The following ZNF507 variants were observed in gnomAD, a reference collection of about 807,000 sequenced individuals.
ZNF507 encodes the protein zinc finger protein 507.
ZNF507 carries 29 observed loss-of-function variants against 80.0 expected under a neutral mutation model. The ratio of observed to expected loss-of-function variants is 0.36; its 90% CI spans 0.27 to 0.49. The LOEUF (loss-of-function observed/expected upper bound fraction) is 0.49. Ranked by LOEUF, ZNF507 falls within the 20% of genes least tolerant of loss-of-function variation. ZNF507 has a pLI of 0.98. For missense variants in ZNF507, 1,081 were observed against 1,152.2 expected (o/e 0.94, Z 0.90); for synonymous variants, 462 against 422.5 (o/e 1.09, Z -1.15).
chr19:32,382,922 C>T lies in ZNF507; in HGVS notation c.2701C>T (p.Pro901Ser). 1 of 1,614,092 alleles carries T rather than the reference C, an allele frequency of 6.2e-7. No individual in the cohort carries two copies. Among genetic ancestry groups the T allele is most frequent in the African/African-American group, 1.3e-5 (1 of 75,036 alleles). The change falls in exon 7 of 7, where the codon CCT (proline) becomes TCT (serine). Residue 901 changes from proline to serine, a missense_variant. By Grantham distance (74) the Pro-to-Ser change is moderately conservative (BLOSUM62 -1). Coordinates refer to ENST00000355898, the MANE Select transcript of ZNF507 (RefSeq NM_001136156.2). Reference protein sequence around the residue: ...YSLEKISSLAPPSMEYCVLLF... With the variant: ...YSLEKISSLASPSMEYCVLLF... ...TTTAGAAAAAATCTCCAGTCTGGCC[C>T]CTCCTAGCATGGAGTACTGCGTTTT...
At position 32,353,554 on chromosome 19, in the gene ZNF507, T is replaced by A. The variant is rs777614180; in HGVS notation, c.724T>A (p.Tyr242Asn). Residue 242 changes from tyrosine to asparagine, a missense_variant, in exon 3 of 7, where the codon TAC becomes AAC. By Grantham distance (143) the Tyr-to-Asn change is moderately radical. Around this residue, in one of 6 missense-constraint regions of ZNF507, gnomAD observed 275 missense variants for 303.9 expected, o/e 0.90. Coordinates refer to ENST00000355898, the MANE Select transcript of ZNF507 (RefSeq NM_001136156.2). ...AEMGRRKWYAYEQYGMYRCLF... is the reference protein window; with the variant it reads ...AEMGRRKWYANEQYGMYRCLF... ...AATGGGTAGGAGGAAATGGTATGCA[T>A]ACGAACAGTACGGCATGTATCGATG... The A allele has an allele frequency of 6.2e-7, 1 of 1,614,210 alleles. No homozygotes were observed. The highest frequency in any genetic ancestry group is 1.1e-5 in the South Asian group (1 of 91,088).
Position 32,383,154 on chromosome 19 carries a change from C to T in ZNF507, c.*71C>T. The T allele has an allele frequency of 6.6e-7, 1 of 1,516,740 alleles. No homozygotes were observed. The highest frequency in any genetic ancestry group is 8.9e-7 in the Non-Finnish European group (1 of 1,129,766). The allele number at this position is 1,516,740 out of a possible 1,614,324, so 94.0% of individuals were successfully genotyped here. On this transcript the variant is annotated 3_prime_UTR_variant, in exon 7 of 7. Coordinates refer to ENST00000355898, the MANE Select transcript of ZNF507 (RefSeq NM_001136156.2). ...CACCACAGTTTCACCTTTACGCTGT[C>T]AGACAACTTCCTGCCACAGAAGAAG...
chr19:32,350,216 T>A (rs1487780607), intron 2 of ZNF507, among the ~76,000 whole-genome samples: 2 of 133,736 alleles, frequency 1.5e-5, no homozygotes, highest in Non-Finnish European at 3.3e-5. Context: ...TTTTTTTTTT[T>A]AACAGAGACT....
At chr19:32,370,122 G>A (rs1043018767) in intron 5 of ZNF507, among the ~76,000 whole-genome samples, 25 of 152,324 alleles carry the variant, frequency 1.6e-4, no homozygotes, top group East Asian at 3.9e-4. Context: ...GCGCACGCGC[G>A]TGCACGTCAC....
intron 5 of ZNF507, among the ~76,000 whole-genome samples, chr19:32,378,240 C>T (rs749740619): frequency 1.3e-5 from 2 of 152,116 alleles, no homozygotes; most frequent in African/African-American, 2.4e-5. Context: ...GTAATCCCAG[C>T]TACTCGGGAG....
chr19:32,382,430 G>T (rs781244014), intron 5 of ZNF507, 37 bp from the exon 6 acceptor site: 6 of 1,608,372 alleles, frequency 3.7e-6, no homozygotes, highest in South Asian at 1.1e-5. Context: ...GATGTTATGG[G>T]ACCGTTCTGA....
chr19:32,352,868 A>G lies in ZNF507; in HGVS notation c.38A>G (p.Asp13Gly). ...ESSSVAMLVPDIGEQEAILTA... is the reference protein window; with the variant it reads ...ESSSVAMLVPGIGEQEAILTA... The stretch of plus-strand genomic sequence containing the variant: ...AGCAGTGTTGCCATGTTGGTGCCAG[A>G]TATTGGGGAACAGGAAGCTATACTG... The change falls in exon 3 of 7, where the codon GAT becomes GGT. Residue 13 changes from aspartate to glycine, a missense_variant. Asp to Gly is a moderately conservative substitution (Grantham distance 94). Transcript: ENST00000355898. The G allele has an allele frequency of 6.3e-7, 1 of 1,597,716 alleles. No individual in the cohort carries two copies. Among genetic ancestry groups the G allele is most frequent in the Non-Finnish European group, 8.5e-7 (1 of 1,175,034 alleles).
Position 32,354,019 on chromosome 19 carries a change from G to A in ZNF507, c.1189G>A (p.Val397Met), listed in dbSNP as rs1189590570. 5 of 1,614,156 alleles carry A rather than the reference G, an allele frequency of 3.1e-6. No individual in the cohort carries two copies. The highest frequency in any genetic ancestry group is 1.1e-5 in the South Asian group (1 of 91,084). The change falls in exon 3 of 7, where the codon GTG (valine) becomes ATG (methionine). Residue 397 changes from valine to methionine, a missense_variant. Coordinates refer to ENST00000355898, the MANE Select transcript of ZNF507 (RefSeq NM_001136156.2). The stretch of plus-strand genomic sequence containing the variant: ...CCCCAATAAAAAAGGGCATGTTAAC[G>A]TGATAGTGGAGCGATTGCCAAGTGC... ...SSPNKKGHVN[V>M]IVERLPSAEE...
At chr19:32,373,567 A>C (rs1026453669) in intron 5 of ZNF507, among the ~76,000 whole-genome samples, 1 of 152,198 alleles carries the variant, frequency 6.6e-6, no homozygotes, top group Non-Finnish European at 1.5e-5. Context: ...CATCATCATG[A>C]AATGTCTCCA....
chr19:32,359,911 G>A (rs1436621499), intron 4 of ZNF507: 1 of 152,126 alleles, frequency 6.6e-6, no homozygotes. Context: ...GTGAGAGTGG[G>A]GGAGAGATCT....
chr19:32,365,858 C>T (rs1445022347), intron 5 of ZNF507, among the ~76,000 whole-genome samples: 1 of 152,166 alleles, frequency 6.6e-6, no homozygotes, highest in African/African-American at 2.4e-5. Flanking sequence ...CCACACACTG[C>T]CCGGGACATA....
chr19:32,377,230 G>A (rs1374285372), intron 5 of ZNF507, among the ~76,000 whole-genome samples: 1 of 143,936 alleles, frequency 6.9e-6, no homozygotes, highest in Non-Finnish European at 1.5e-5. Flanking sequence ...CCTTGACACT[G>A]ACGCTACCGC....
chr19:32,386,482 AT>A lies in ZNF507; in HGVS notation c.*3406del, dbSNP rs1314973033. On this transcript the variant is annotated 3_prime_UTR_variant, in exon 7 of 7. Transcript: ENST00000355898. ...GATATTCATGAACATGAATACATGT[AT>A]TTTTTTAAGAAATAAGTATTGTGTA... 1 of 152,716 alleles carries A rather than the reference AT, an allele frequency of 6.5e-6. No individual in the cohort carries two copies. The allele number at this position is 152,716 out of a possible 1,614,324, so 9.5% of individuals were successfully genotyped here.
chr19:32,380,706 A>G, intron 5 of ZNF507: 1 of 1,291,640 alleles, frequency 7.7e-7, no homozygotes, highest in Non-Finnish European at 1.1e-6. Flanking sequence ...GTTTCCTAAA[A>G]AGATGACAGT....
intron 5 of ZNF507, among the ~76,000 whole-genome samples, chr19:32,373,805 C>T (rs1010410192): frequency 1.3e-5 from 2 of 152,172 alleles, no homozygotes; most frequent in African/African-American, 4.8e-5. Flanking sequence ...TTTTGCTGCA[C>T]TTCGATTTTG....
In ZNF507 at chr19:32,364,446, T is replaced by C. The variant is rs923902849; in HGVS notation, c.2360+3828T>C. ...TGGTGCATCCATCACCCGAGCAGTA[T>C]ACACAGCACCATATTTGTTGTCTTT... On this transcript the variant is annotated intron_variant, in intron 5 of 6. Coordinates refer to ENST00000355898, the MANE Select transcript of ZNF507 (RefSeq NM_001136156.2). Among the ~76,000 whole-genome samples the C allele has an allele frequency of 1.2e-4, 19 of 152,162 alleles. 1 individual carries two copies. Among genetic ancestry groups the C allele is most frequent in the Non-Finnish European group, 2.5e-4 (17 of 68,032 alleles).
intron 2 of ZNF507, among the ~76,000 whole-genome samples, chr19:32,350,999 G>A (rs1558868): frequency 0.39 from 59,569 of 152,058 alleles, 13,582 homozygotes; most frequent in Non-Finnish European, 0.53. Flanking sequence ...TCCCCCATTG[G>A]TCTCCTCTTT....
chr19:32,353,868 A>G lies in ZNF507; in HGVS notation c.1038A>G (p.Val346=), dbSNP rs144626467. ...SPLEQSAERG[V]HLSQSVTLDP... ...TAGAACAGAGTGCAGAAAGAGGAGT[A>G]CACCTAAGTCAGTCAGTTACCCTGG... Residue 346 remains valine, a synonymous_variant, in exon 3 of 7, where the codon GTA becomes GTG. Coordinates refer to ENST00000355898, the MANE Select transcript of ZNF507 (RefSeq NM_001136156.2). The G allele has an allele frequency of 1.4e-5, 23 of 1,614,084 alleles. No homozygotes were observed. The highest frequency in any genetic ancestry group is 5.0e-5 in the Admixed American group (3 of 60,000).
Position 32,354,358 on chromosome 19 carries a change from T to C in ZNF507, c.1528T>C (p.Leu510=), listed in dbSNP as rs1471796547. Residue 510 remains leucine, a synonymous_variant, in exon 3 of 7, where the codon TTG becomes CTG. Coordinates refer to ENST00000355898, the MANE Select transcript of ZNF507 (RefSeq NM_001136156.2). ...CACAATGCCTATAAGAGCTGCAGAGTTGACAAGAGCCAACCTGGGGCACTA... is the reference window on the plus strand; with the variant it reads ...CACAATGCCTATAAGAGCTGCAGAGCTGACAAGAGCCAACCTGGGGCACTA... The part of the protein sequence containing the change: ...LVTMPIRAAE[L]TRANLGHYGD... 1 of 1,613,868 alleles carries C rather than the reference T, an allele frequency of 6.2e-7. No individual in the cohort carries two copies. Among genetic ancestry groups the C allele is most frequent in the African/African-American group, 1.3e-5 (1 of 74,854 alleles).
Sources: allele counts gnomAD v4.1 joint callset (sites outside exome capture counted in the v4.1 genomes callset), GRCh38; gene constraint gnomAD v4.1.1; regional missense constraint gnomAD v4.1.1; transcripts MANE v1.5; gene names NCBI Gene and HGNC (gene_info 2026-07-23, HGNC 2026-07-21).